The following PLXNA2 variants were observed in gnomAD, a reference collection of about 807,000 sequenced individuals.
PLXNA2 encodes plexin A2.
Under a neutral mutation model 193.5 loss-of-function variants are expected in PLXNA2, and 91 were observed. The ratio of observed to expected loss-of-function variants is 0.47; its 90% confidence interval spans 0.40 to 0.56. The LOEUF (loss-of-function observed/expected upper bound fraction) is 0.56. PLXNA2 is among the 20% of genes least tolerant of loss of function. The pLI, the probability that PLXNA2 is intolerant of heterozygous loss-of-function variation, is 0.00. For synonymous variants in PLXNA2, 997 were observed against 1,027.3 expected, an observed-to-expected ratio of 0.97 and a Z score of 0.56; for missense variants, 1,995 against 2,503.2, an observed-to-expected ratio of 0.80 and a Z score of 4.33.
At chr1:208,128,695 C>CTTTTTTTTT (rs34853346) in intron 4 of PLXNA2, among the ~76,000 whole-genome samples, 15 of 81,660 alleles carry the variant, frequency 1.8e-4, no homozygotes, top group Admixed American at 6.6e-4. Flanking sequence ...CTGTTTCTTT[C>CTTTTTTTTT]TTTTTTTTTT....
chr1:208,225,181 C>T (rs950142947), intron 1 of PLXNA2, among the ~76,000 whole-genome samples: 1 of 152,184 alleles, frequency 6.6e-6, no homozygotes, highest in African/African-American at 2.4e-5. Flanking sequence ...TGGATACTAG[C>T]AAGAAAGCGA....
At chr1:208,060,916 G>A (rs1571873487) in intron 12 of PLXNA2, 79 bp from the exon 13 acceptor site, 1 of 1,379,884 alleles carries the variant, frequency 7.2e-7, no homozygotes, top group Non-Finnish European at 1.0e-6. Flanking sequence ...CTCCCCCAGG[G>A]AGGTTTAAGA....
intron 14 of PLXNA2, among the ~76,000 whole-genome samples, chr1:208,052,802 T>C (rs538516007): frequency 5.9e-5 from 9 of 152,148 alleles, no homozygotes; most frequent in Admixed American, 3.9e-4. Flanking sequence ...TGCTTCTCTA[T>C]CTAGAGCCTT....
chr1:208,215,854 G>A (rs1227821266), intron 2 of PLXNA2, among the ~76,000 whole-genome samples: 1 of 152,200 alleles, frequency 6.6e-6, no homozygotes, highest in Non-Finnish European at 1.5e-5. Flanking sequence ...ACAGGGCAGT[G>A]CTTGCCACTG....
At chr1:208,125,292 C>G (rs1667939626) in intron 4 of PLXNA2, among the ~76,000 whole-genome samples, 1 of 152,186 alleles carries the variant, frequency 6.6e-6, no homozygotes, top group Non-Finnish European at 1.5e-5. Context: ...ACCAGAGGAG[C>G]AGTTTGGACT....
At chr1:208,104,810 T>G (rs1199506068) in intron 4 of PLXNA2, among the ~76,000 whole-genome samples, 1 of 152,102 alleles carries the variant, frequency 6.6e-6, no homozygotes, top group Non-Finnish European at 1.5e-5. Flanking sequence ...ATCCCTCACC[T>G]CCCTTTAATA....
In PLXNA2 at chr1:208,207,594, C is replaced by T. The variant is rs535755142; in HGVS notation, c.1371+2686G>A. ...CCGGGAGAAGTGAGTAGTTCTGACGCACCCGGCTTCCCTTCCCTTTCCAAA... is the reference window on the plus strand; with the variant it reads ...CCGGGAGAAGTGAGTAGTTCTGACGTACCCGGCTTCCCTTCCCTTTCCAAA... On this transcript the variant is annotated intron_variant, in intron 3 of 31. Coordinates refer to ENST00000367033, the MANE Select transcript of PLXNA2 (RefSeq NM_025179.4). 9.8e-5 allele frequency among the ~76,000 whole-genome samples: 15 copies of T among 152,308 alleles called. No individual in the cohort carries two copies. The South Asian group carries it at 1.5e-3, about 15-fold the overall frequency.
At chr1:208,194,331 C>T (rs977129732) in intron 3 of PLXNA2, among the ~76,000 whole-genome samples, 4 of 151,926 alleles carry the variant, frequency 2.6e-5, no homozygotes, top group Non-Finnish European at 2.9e-5. Context: ...CTAGAGTCAC[C>T]GGAGTGCTCC....
chr1:208,203,245 G>C (rs1304562146), intron 3 of PLXNA2, among the ~76,000 whole-genome samples: 1 of 152,184 alleles, frequency 6.6e-6, no homozygotes, highest in Non-Finnish European at 1.5e-5. Flanking sequence ...GGGAGCCCGG[G>C]CAGGGAGCCA....
intron 3 of PLXNA2, among the ~76,000 whole-genome samples, chr1:208,149,300 G>A (rs1248252070): frequency 1.3e-5 from 2 of 151,544 alleles, no homozygotes; most frequent in African/African-American, 4.9e-5. Flanking sequence ...GTATGTGTGT[G>A]GTGTGTGTAA....
chr1:208,156,189 C>G (rs1668936587), intron 3 of PLXNA2, among the ~76,000 whole-genome samples: 1 of 152,128 alleles, frequency 6.6e-6, no homozygotes, highest in African/African-American at 2.4e-5. Flanking sequence ...CTGAGATGAC[C>G]TATGTTGGAA....
chr1:208,118,140 G>A (rs1667695613), intron 4 of PLXNA2, among the ~76,000 whole-genome samples: 1 of 152,182 alleles, frequency 6.6e-6, no homozygotes, highest in African/African-American at 2.4e-5. Flanking sequence ...ATTGTCATGA[G>A]GTTCACAAGA....
At chr1:208,149,348 A>C (rs1460050808) in intron 3 of PLXNA2, among the ~76,000 whole-genome samples, 1 of 149,844 alleles carries the variant, frequency 6.7e-6, no homozygotes, top group African/African-American at 2.5e-5. Flanking sequence ...TATGTGTTGT[A>C]TGTACATGGA....
chr1:208,044,981 G>T lies in PLXNA2; in HGVS notation c.3639+86C>A, dbSNP rs1027200420. ...ATATGGAGGGGGTGAGTCAGGCAAC[G>T]AGACAGAAGAGAGCCTTTCCTTAGG... is the stretch of plus-strand genomic sequence containing the variant. On this transcript the variant is annotated intron_variant, in intron 19 of 31. Transcript: ENST00000367033. The surrounding 1 kb of genome is among the most constrained non-coding windows in gnomAD (Gnocchi z 4.9). The T allele has an allele frequency of 1.3e-6, 2 of 1,508,764 alleles. No homozygotes were observed. The highest frequency in any genetic ancestry group is 1.8e-6 in the Non-Finnish European group (2 of 1,092,196). The allele number at this position is 1,508,764 out of a possible 1,614,324, so 93.5% of individuals were successfully genotyped here.
intron 17 of PLXNA2, among the ~76,000 whole-genome samples, chr1:208,050,739 G>A (rs1055543315): frequency 6.6e-6 from 1 of 152,122 alleles, no homozygotes; most frequent in East Asian, 1.9e-4. Flanking sequence ...TGAGGCGGGA[G>A]GATCTCTTGA....
At chr1:208,088,848 TGTGA>T (rs1219410556) in intron 9 of PLXNA2, among the ~76,000 whole-genome samples, 1 of 152,210 alleles carries the variant, frequency 6.6e-6, no homozygotes, top group Non-Finnish European at 1.5e-5. Flanking sequence ...TGTGTGTGCG[TGTGA>T]GTGTGACTGC....
At position 208,237,454 on chromosome 1, in the gene PLXNA2, T is replaced by C. The variant is rs144617073; in HGVS notation, c.-81+6189A>G. 4.2e-3 allele frequency among the ~76,000 whole-genome samples: 635 copies of C among 152,306 alleles called. 4 individuals carry two copies. The highest frequency in any genetic ancestry group is 0.015 in the African/African-American group (607 of 41,562). ...GTACCAGAAAGGGATGCAATTTACA[T>C]AGAATACAACACGAAAATCCTTGGG... is the stretch of plus-strand genomic sequence containing the variant. On this transcript the variant is annotated intron_variant, in intron 1 of 31. Transcript: ENST00000367033.
intron 1 of PLXNA2, among the ~76,000 whole-genome samples, chr1:208,234,889 C>G (rs1671805554): frequency 6.6e-6 from 1 of 152,180 alleles, no homozygotes; most frequent in Non-Finnish European, 1.5e-5. Context: ...TGCTGTGTGA[C>G]TCACGGCAAT....
rs1048690080 is a variant in PLXNA2 at position 208,217,259 on chromosome 1, C to T, written c.664G>A (p.Val222Ile). 1.2e-6 allele frequency: 2 copies of T among 1,614,118 alleles called. No homozygotes were observed. Among genetic ancestry groups the T allele is most frequent in the Admixed American group, 1.7e-5 (1 of 60,016 alleles). The change falls in exon 2 of 32, where the codon GTC becomes ATC. Residue 222 changes from valine (V) to isoleucine (I), a missense_variant. Coordinates refer to ENST00000367033, the MANE Select transcript of PLXNA2 (RefSeq NM_025179.4). This position sits in a 1 kb window ranked among gnomAD's most constrained non-coding sequence, Gnocchi z 4.7. The stretch of plus-strand genomic sequence containing the variant: ...GAAGGGATCTTGATGAGAGAGGAGA[C>T]AAAATCGCTGTGTAGCTCATAGTCG... ...MLDYELHSDF[V>I]SSLIKIPSDT...
Sources: allele counts gnomAD v4.1 joint callset (sites outside exome capture counted in the v4.1 genomes callset), GRCh38; gene constraint gnomAD v4.1.1; non-coding constraint Gnocchi (gnomAD v3.1); transcripts MANE v1.5; gene names NCBI Gene and HGNC (gene_info 2026-07-23, HGNC 2026-07-21).